Variants in ANKRD30A observed in about 807,000 individuals in gnomAD.
The protein encoded by ANKRD30A is ankyrin repeat domain-containing protein 30A.
ANKRD30A carries 170 observed loss-of-function variants against 166.3 expected under a neutral mutation model. That is an observed-to-expected ratio of 1.02 (90% CI 0.90 to 1.16). ANKRD30A has a LOEUF of 1.16. ANKRD30A is among the 50% of genes most tolerant of loss of function. The pLI is 0.00. For missense variants in ANKRD30A, 1,630 were observed against 1,518.0 expected, an observed-to-expected ratio of 1.07 and a Z score of -1.23; for synonymous variants, 564 against 508.9, an observed-to-expected ratio of 1.11 and a Z score of -1.46.
chr10:37,142,099 A>G lies in ANKRD30A; in HGVS notation c.1202A>G (p.Glu401Gly). ...TPREIMSPAK[E>G]TSEKFTWAAK... The stretch of plus-strand genomic sequence containing the variant: ...AGGGAAATTATGAGTCCCGCAAAAG[A>G]AACATCTGAGAAATTTACGTGGGCA... The change falls in exon 7 of 36, where the codon GAA (glutamate) becomes GGA (glycine). Residue 401 changes from glutamate (E) to glycine (G), a missense_variant. Physicochemically the swap from Glu to Gly is moderately conservative, Grantham distance 98. Transcript: ENST00000361713. The G allele has an allele frequency of 6.2e-7, 1 of 1,613,016 alleles. No homozygotes were observed. The highest frequency in any genetic ancestry group is 2.2e-5 in the East Asian group (1 of 44,842).
intron 12 of ANKRD30A, among the ~76,000 whole-genome samples, chr10:37,152,685 C>A (rs2132561816): frequency 1.3e-5 from 2 of 152,142 alleles, no homozygotes; most frequent in East Asian, 3.9e-4. Context: ...GTTGAGTAGT[C>A]TTTTGAAAAA....
chr10:37,153,786 G>C, intron 13 of ANKRD30A, 124 bp downstream of exon 13: 1 of 1,337,314 alleles, frequency 7.5e-7, no homozygotes. Flanking sequence ...AAAAAGAGAA[G>C]TGCAATGGTC....
chr10:37,255,340 C>T, the ANKRD30A span, among the ~76,000 whole-genome samples: 1 of 152,014 alleles, frequency 6.6e-6, no homozygotes, highest in African/African-American at 2.4e-5. Context: ...GATAAACACA[C>T]TAAAAGCCCA....
chr10:37,192,324 AT>A (rs1210727600), intron 25 of ANKRD30A, among the ~76,000 whole-genome samples: 2 of 151,984 alleles, frequency 1.3e-5, no homozygotes, highest in African/African-American at 4.8e-5. Context: ...AATTACAGGC[AT>A]GAGCCACTGC....
intron 17 of ANKRD30A, 108 bp downstream of exon 17, chr10:37,162,956 T>C: frequency 7.2e-7 from 1 of 1,383,834 alleles, no homozygotes; most frequent in Non-Finnish European, 9.9e-7. Flanking sequence ...TGAAAAGATT[T>C]GATCTAGATA....
chr10:37,226,318 C>G (rs1033105168), intron 34 of ANKRD30A, among the ~76,000 whole-genome samples: 2 of 132,312 alleles, frequency 1.5e-5, no homozygotes, highest in South Asian at 2.4e-4. Context: ...TCCAAGTGTT[C>G]TCATTGTTCA....
the ANKRD30A span, among the ~76,000 whole-genome samples, chr10:37,252,044 C>T: frequency 4.0e-4 from 61 of 152,204 alleles, no homozygotes; most frequent in African/African-American, 1.5e-3. Flanking sequence ...TGGAGTTTTC[C>T]CATCATGTGT....
intron 27 of ANKRD30A, among the ~76,000 whole-genome samples, chr10:37,193,515 G>A (rs1840778745): frequency 6.6e-6 from 1 of 151,968 alleles, no homozygotes; most frequent in Non-Finnish European, 1.5e-5. Flanking sequence ...TTTCCAATTT[G>A]CAATTTCTGT....
chr10:37,203,585 A>T (rs1841793327), intron 31 of ANKRD30A, among the ~76,000 whole-genome samples: 3 of 152,324 alleles, frequency 2.0e-5, no homozygotes, highest in Middle Eastern at 6.8e-3. Context: ...CAAGACAGGG[A>T]TGCCCTCTCT....
Position 37,132,231 on chromosome 10 carries a change from A to AT in ANKRD30A, c.511-5dup. 1 of 1,549,058 alleles carries AT rather than the reference A, an allele frequency of 6.5e-7. No homozygotes were observed. The highest frequency in any genetic ancestry group is 8.7e-7 in the Non-Finnish European group (1 of 1,145,294). Reference sequence around the variant, plus strand: ...TTCATGAATTATAAATTGTTTTGCTATTTTACAGGCTAGCCTCACACCACT... The same window carrying AT: ...TTCATGAATTATAAATTGTTTTGCTATTTTTACAGGCTAGCCTCACACCACT... On this transcript the variant is annotated splice_polypyrimidine_tract_variant and intron_variant, in intron 3 of 35. Coordinates refer to ENST00000361713, the MANE Select transcript of ANKRD30A (RefSeq NM_052997.3).
chr10:37,127,241 G>T (rs12765613), intron 1 of ANKRD30A, among the ~76,000 whole-genome samples: 6,509 of 151,920 alleles, frequency 0.043, 212 homozygotes, highest in South Asian at 0.06. Flanking sequence ...TGAAATGCCT[G>T]CTTTTTGGAG....
At chr10:37,212,564 A>G (rs1473437195) in intron 31 of ANKRD30A, among the ~76,000 whole-genome samples, 1 of 152,120 alleles carries the variant, frequency 6.6e-6, no homozygotes. Context: ...TTGTCAAGTC[A>G]ATCCTAAGCC....
the ANKRD30A span, among the ~76,000 whole-genome samples, chr10:37,241,573 C>A: frequency 6.6e-6 from 1 of 151,864 alleles, no homozygotes; most frequent in Non-Finnish European, 1.5e-5. Context: ...GCAAAACTAC[C>A]AAGTTGTTAT....
At chr10:37,258,296 T>A in the ANKRD30A span, among the ~76,000 whole-genome samples, 3 of 152,198 alleles carry the variant, frequency 2.0e-5, no homozygotes, top group Admixed American at 1.3e-4. Flanking sequence ...AAGCTAATTT[T>A]AAATGTATTT....
chr10:37,130,390 C>A lies in ANKRD30A; in HGVS notation c.510+12C>A. On this transcript the variant is annotated intron_variant, in intron 3 of 35. Transcript: ENST00000361713. Reference sequence around the variant, plus strand: ...AAGTGCACAACAAGGTAGACACTAACCAATGTTATTTTCAAAATATTTGAA... The same window carrying A: ...AAGTGCACAACAAGGTAGACACTAAACAATGTTATTTTCAAAATATTTGAA... 1 of 1,411,232 alleles carries A rather than the reference C, an allele frequency of 7.1e-7. No homozygotes were observed. The highest frequency in any genetic ancestry group is 9.3e-7 in the Non-Finnish European group (1 of 1,074,594). The allele number at this position is 1,411,232 out of a possible 1,614,324, so 87.4% of individuals were successfully genotyped here.
Position 37,219,244 on chromosome 10 carries a change from C to G in ANKRD30A, c.3532C>G (p.Leu1178Val). ...LKVLIAENTM[L>V]TSKLKEKQDK... ...AGTTCTGATAGCTGAGAACACAATG[C>G]TCACTTCTAAATTGAAGGAAAAACA... Residue 1178 changes from leucine to valine, a missense_variant, in exon 34 of 36, where the codon CTC becomes GTC. By Grantham distance (32) the Leu-to-Val change is conservative. Transcript: ENST00000361713. 1.9e-6 allele frequency: 3 copies of G among 1,610,626 alleles called. No individual in the cohort carries two copies. Among genetic ancestry groups the G allele is most frequent in the Non-Finnish European group, 2.5e-6 (3 of 1,177,668 alleles).
chr10:37,231,394 C>T, intron 34 of ANKRD30A, 67 bp from the exon 35 acceptor site: 2 of 1,352,468 alleles, frequency 1.5e-6, no homozygotes, highest in Non-Finnish European at 2.0e-6. Flanking sequence ...TTTTTAAATA[C>T]AAGTCCTTTT....
chr10:37,219,042 A>G lies in ANKRD30A; in HGVS notation c.3330A>G (p.Glu1110=). Residue 1110 remains glutamate, a synonymous_variant, in exon 34 of 36, where the codon GAA becomes GAG. Coordinates refer to ENST00000361713, the MANE Select transcript of ANKRD30A (RefSeq NM_052997.3). ...LLHENCMLKK[E]IAMLKLEIAT... ...ATGAAAATTGCATGTTGAAAAAGGA[A>G]ATTGCCATGCTAAAACTGGAAATAG... 1 of 1,602,710 alleles carries G rather than the reference A, an allele frequency of 6.2e-7. No individual in the cohort carries two copies. The highest frequency in any genetic ancestry group is 8.5e-7 in the Non-Finnish European group (1 of 1,175,090).
chr10:37,198,508 A>G (rs1408295774), intron 29 of ANKRD30A, among the ~76,000 whole-genome samples: 1 of 152,084 alleles, frequency 6.6e-6, no homozygotes, highest in African/African-American at 2.4e-5. Flanking sequence ...TGGTTATTAG[A>G]AATTAAAAGT....
Sources: allele counts gnomAD v4.1 joint callset (sites outside exome capture counted in the v4.1 genomes callset), GRCh38; gene constraint gnomAD v4.1.1; transcripts MANE v1.5; gene names NCBI Gene and HGNC (gene_info 2026-07-23, HGNC 2026-07-21).